Variants in NCKAP1 observed in about 807,000 individuals in gnomAD.
The protein encoded by NCKAP1 is NCK associated protein 1.
NCKAP1 carries 21 observed loss-of-function variants against 151.2 expected under a neutral mutation model. The observed-to-expected ratio is 0.14, with a 90% CI of 0.10 to 0.20. NCKAP1 has a LOEUF of 0.20. Among genes scored for constraint, NCKAP1 ranks in the 10% least tolerant of loss-of-function variants. The pLI, the probability that NCKAP1 is intolerant of heterozygous loss-of-function variation, is 1.00. For synonymous variants in NCKAP1, 484 were observed against 451.8 expected, an observed-to-expected ratio of 1.07 and a Z score of -0.90; for missense variants, 933 against 1,352.1, an observed-to-expected ratio of 0.69 and a Z score of 4.86.
At chr2:182,928,075 C>T in intron 29 of NCKAP1, 42 bp downstream of exon 29, 1 of 1,405,396 alleles carries the variant, frequency 7.1e-7, no homozygotes, top group Non-Finnish European at 9.8e-7. Context: ...TTTTAGTTTT[C>T]TTTATAAAAT....
chr2:183,008,312 AT>A (rs1438344184), intron 2 of NCKAP1, among the ~76,000 whole-genome samples: 1 of 152,246 alleles, frequency 6.6e-6, no homozygotes, highest in Non-Finnish European at 1.5e-5. Context: ...CACGTGAAGA[AT>A]ACAGGTGAAT....
At position 182,910,949 on chromosome 2, in the gene NCKAP1, C is replaced by CACCG. The variant is rs779264743; in HGVS notation, c.*14752_*14753insCGGT. 1.7e-5 allele frequency: 1 copy of CACCG among 58,752 alleles called. No individual in the cohort carries two copies. The highest frequency in any genetic ancestry group is 3.6e-3 in the East Asian group (1 of 276). The allele number at this position is 58,752 out of a possible 1,614,324, so 3.6% of individuals were successfully genotyped here. On this transcript the variant is annotated 3_prime_UTR_variant, in exon 31 of 31. Transcript: ENST00000361354. ...TTGGAAATAAAAATAAAATCCTAAG[C>CACCG]TCCCCCCCCACATTTGACTAAACAG...
chr2:183,035,682 A>C (rs1699087879), intron 1 of NCKAP1, among the ~76,000 whole-genome samples: 2 of 152,206 alleles, frequency 1.3e-5, no homozygotes, highest in Admixed American at 6.5e-5. Context: ...ATTCCTAGCC[A>C]GCTGGGAAGA....
intron 24 of NCKAP1, among the ~76,000 whole-genome samples, chr2:182,939,728 T>G (rs1230839801): frequency 1.3e-5 from 2 of 151,726 alleles, no homozygotes; most frequent in Non-Finnish European, 2.9e-5. Flanking sequence ...CACAAAAGAA[T>G]TAAAAAAAAG....
intron 2 of NCKAP1, among the ~76,000 whole-genome samples, chr2:183,005,355 C>G (rs1033608645): frequency 1.3e-5 from 2 of 152,104 alleles, no homozygotes; most frequent in African/African-American, 4.8e-5. Flanking sequence ...ATAAATAATA[C>G]GGTCACCATC....
At chr2:183,035,353 A>C (rs767424125) in intron 1 of NCKAP1, among the ~76,000 whole-genome samples, 3 of 152,078 alleles carry the variant, frequency 2.0e-5, no homozygotes, top group Admixed American at 6.5e-5. Flanking sequence ...TATTACTGAC[A>C]ATAATAAGTT....
chr2:182,978,061 T>C (rs934119894), intron 14 of NCKAP1, among the ~76,000 whole-genome samples: 1 of 152,140 alleles, frequency 6.6e-6, no homozygotes, highest in Non-Finnish European at 1.5e-5. Flanking sequence ...ATCCTACGAA[T>C]AGAAACTTTG....
chr2:182,998,322 G>A (rs1221406709), intron 6 of NCKAP1, among the ~76,000 whole-genome samples: 1 of 151,966 alleles, frequency 6.6e-6, no homozygotes, highest in African/African-American at 2.4e-5. Flanking sequence ...ATTCAACATA[G>A]TACTGAAAGT....
chr2:182,921,929 G>A lies in NCKAP1; in HGVS notation c.*3773C>T, dbSNP rs2105791753. The A allele has an allele frequency of 6.6e-6, 1 of 152,186 alleles. No individual in the cohort carries two copies. The highest frequency in any genetic ancestry group is 1.5e-5 in the Non-Finnish European group (1 of 67,996). 9.4% of individuals were successfully genotyped at this position (152,186 alleles called of 1,614,324 possible). On this transcript the variant is annotated 3_prime_UTR_variant, in exon 31 of 31. Coordinates refer to ENST00000361354, the MANE Select transcript of NCKAP1 (RefSeq NM_013436.5). ...CCAATTAACGAAAAACATAATTTTT[G>A]TACTACAGAATAAAAATTTTAAAAT...
At chr2:183,001,345 T>C (rs2105874472) in intron 6 of NCKAP1, among the ~76,000 whole-genome samples, 1 of 152,306 alleles carries the variant, frequency 6.6e-6, no homozygotes, top group South Asian at 2.1e-4. Context: ...TCAGCCCTTC[T>C]GCAGAGAATC....
At chr2:182,960,180 C>T (rs1204106056) in intron 18 of NCKAP1, among the ~76,000 whole-genome samples, 1 of 152,070 alleles carries the variant, frequency 6.6e-6, no homozygotes, top group Non-Finnish European at 1.5e-5. Flanking sequence ...AGATTCAATG[C>T]CATCCCCATC....
At chr2:182,929,594 A>G (rs1267619686) in intron 27 of NCKAP1, among the ~76,000 whole-genome samples, 1 of 151,926 alleles carries the variant, frequency 6.6e-6, no homozygotes, top group Non-Finnish European at 1.5e-5. Flanking sequence ...ACTAATCACC[A>G]TTAGATATAA....
intron 12 of NCKAP1, among the ~76,000 whole-genome samples, chr2:182,981,712 C>T (rs565826742): frequency 6.6e-6 from 1 of 151,818 alleles, no homozygotes; most frequent in South Asian, 2.1e-4. Context: ...GGTTCAAAAC[C>T]AGCCTGGCCA....
Position 182,912,577 on chromosome 2 carries a change from A to G in NCKAP1, c.*13125T>C, listed in dbSNP as rs908642599. On this transcript the variant is annotated 3_prime_UTR_variant, in exon 31 of 31. Coordinates refer to ENST00000361354, the MANE Select transcript of NCKAP1 (RefSeq NM_013436.5). ...AGGAAAGGTACATTTAACAAGCTCA[A>G]TGATCTATTATAAGTTAATACACTT... 1 of 152,200 alleles carries G rather than the reference A, an allele frequency of 6.6e-6. No homozygotes were observed. The highest frequency in any genetic ancestry group is 2.4e-5 in the African/African-American group (1 of 41,468). The allele number at this position is 152,200 out of a possible 1,614,324, so 9.4% of individuals were successfully genotyped here. A position where few individuals can be genotyped will look rare whatever the true frequency, so the allele number is the denominator to read the frequency against.
chr2:182,949,049 T>A (rs1697163545), intron 23 of NCKAP1, among the ~76,000 whole-genome samples: 2 of 152,156 alleles, frequency 1.3e-5, no homozygotes, highest in African/African-American at 4.8e-5. Flanking sequence ...GGGAAGCAGT[T>A]TTTAAATACG....
chr2:182,952,054 G>T (rs886518463), intron 23 of NCKAP1, among the ~76,000 whole-genome samples: 7 of 152,048 alleles, frequency 4.6e-5, no homozygotes, highest in African/African-American at 1.7e-4. Context: ...CATTCAAACC[G>T]CAAGTGTGAA....
At chr2:183,023,669 A>G (rs551419549) in intron 2 of NCKAP1, 137 bp downstream of exon 2, 2 of 590,948 alleles carry the variant, frequency 3.4e-6, no homozygotes, top group Non-Finnish European at 5.6e-6. Flanking sequence ...TTGTCTCAAA[A>G]AAACCCTTAA....
rs1413974568 is a variant in NCKAP1, at chr2:183,038,410, C to G, written c.-311G>C. 1 of 225,160 alleles carries G rather than the reference C, an allele frequency of 4.4e-6. No individual in the cohort carries two copies. The allele number at this position is 225,160 out of a possible 1,614,324, so 13.9% of individuals were successfully genotyped here. A position where few individuals can be genotyped will look rare whatever the true frequency, so the allele number is the denominator to read the frequency against. On this transcript the variant is annotated 5_prime_UTR_variant, in exon 1 of 31. Coordinates refer to ENST00000361354, the MANE Select transcript of NCKAP1 (RefSeq NM_013436.5). ...CGAGCCGCCTTCCCCGGCTGCTCCA[C>G]TAGGTGTGGCGGCGGCGGCGGCGGC...
rs776967885 is a variant in NCKAP1 at position 182,989,205 on chromosome 2, C to T, written c.791-19G>A. 4 of 1,566,142 alleles carry T rather than the reference C, an allele frequency of 2.6e-6. No individual in the cohort carries two copies. The Admixed American group carries it at 6.1e-5, about 24-fold the overall frequency. ...AAGCCAACTTTAAATAAAAAGAAAG[C>T]AAATACAAATGTAAATGTACAAGTA... On this transcript the variant is annotated intron_variant, in intron 8 of 30. Transcript: ENST00000361354.
Sources: allele counts gnomAD v4.1 joint callset (sites outside exome capture counted in the v4.1 genomes callset), GRCh38; gene constraint gnomAD v4.1.1; transcripts MANE v1.5; gene names NCBI Gene and HGNC (gene_info 2026-07-23, HGNC 2026-07-21).